Variants in PHKB observed in about 807,000 individuals in gnomAD.
The protein encoded by PHKB is phosphorylase b kinase regulatory subunit beta.
In PHKB, 122 loss-of-function variants were observed where a neutral mutation model predicts 152.1. The observed-to-expected ratio is 0.80, with a 90% CI of 0.69 to 0.93. PHKB has a LOEUF of 0.93. Ranked by LOEUF, PHKB falls within the 40% of genes least tolerant of loss-of-function variation. PHKB has a pLI of 0.00. For synonymous variants in PHKB, 436 were observed against 464.9 expected (o/e 0.94, Z 0.80); for missense variants, 1,304 against 1,328.4 (o/e 0.98, Z 0.29).
At chr16:47,666,695 T>A (rs950690683) in intron 25 of PHKB, among the ~76,000 whole-genome samples, 1 of 152,246 alleles carries the variant, frequency 6.6e-6, no homozygotes, top group Non-Finnish European at 1.5e-5. Flanking sequence ...AGAGTCTGGG[T>A]CTTGTCCAGT....
intron 14 of PHKB, among the ~76,000 whole-genome samples, chr16:47,629,989 A>G (rs1452019229): frequency 6.7e-6 from 1 of 150,292 alleles, no homozygotes; most frequent in Non-Finnish European, 1.5e-5. Flanking sequence ...ACACATGGAC[A>G]CAGGAAGGGG....
At chr16:47,682,551 G>A (rs888540974) in intron 26 of PHKB, among the ~76,000 whole-genome samples, 3 of 151,986 alleles carry the variant, frequency 2.0e-5, no homozygotes, top group Non-Finnish European at 2.9e-5. Context: ...CCAGTTGATC[G>A]CATCGGCTCC....
At chr16:47,507,876 C>T (rs987380128) in intron 4 of PHKB, among the ~76,000 whole-genome samples, 15 of 152,178 alleles carry the variant, frequency 9.9e-5, no homozygotes, top group Admixed American at 8.5e-4. Context: ...TTCTTTTCCT[C>T]CTGTCTTGGC....
intron 7 of PHKB, among the ~76,000 whole-genome samples, chr16:47,549,516 C>A (rs968826806): frequency 6.6e-6 from 1 of 151,986 alleles, no homozygotes; most frequent in African/African-American, 2.4e-5. Context: ...ATGGTGACAA[C>A]CTGTCTCTAC....
At position 47,581,103 on chromosome 16, in the gene PHKB, G is replaced by A. The variant is rs1273024026; in HGVS notation, c.774+745G>A. Among the ~76,000 whole-genome samples the A allele has an allele frequency of 2.6e-5, 4 of 152,238 alleles. No individual in the cohort carries two copies. In the East Asian group the frequency reaches 7.7e-4, roughly 29 times the overall value. On this transcript the variant is annotated intron_variant, in intron 8 of 30. Coordinates refer to ENST00000323584, the MANE Select transcript of PHKB (RefSeq NM_000293.3). ...TAACTGAGAATAAAATTAATCCTAA[G>A]CTACTGAAATGCTAAGTCAGTAAAG...
intron 26 of PHKB, among the ~76,000 whole-genome samples, chr16:47,677,444 C>T (rs1419443854): frequency 3.9e-5 from 6 of 152,208 alleles, no homozygotes; most frequent in Non-Finnish European, 8.8e-5. Context: ...TATTTTCTCA[C>T]AATCTGCAGG....
rs369824340 is a variant in PHKB at position 47,588,417 on chromosome 16, TATATA to T, written c.871-483_871-479del. On this transcript the variant is annotated intron_variant, in intron 9 of 30. Transcript: ENST00000323584. ...ATATGTTTTCACTTATTTTTAGACA[TATATA>T]ATATTTTTATTTTACAAAGCTATAA... 4.1e-3 allele frequency among the ~76,000 whole-genome samples: 631 copies of T among 152,134 alleles called. 6 individuals carry two copies. The highest frequency in any genetic ancestry group is 0.014 in the African/African-American group (601 of 41,530).
chr16:47,624,841 C>T (rs1384576354), intron 14 of PHKB, among the ~76,000 whole-genome samples: 1 of 152,194 alleles, frequency 6.6e-6, no homozygotes, highest in East Asian at 1.9e-4. Context: ...TGGCTTCTTA[C>T]ACTGTCACTC....
At chr16:47,545,919 G>A (rs780957459) in intron 6 of PHKB, among the ~76,000 whole-genome samples, 1 of 152,130 alleles carries the variant, frequency 6.6e-6, no homozygotes, top group Non-Finnish European at 1.5e-5. Context: ...CGTAGTTCTT[G>A]TGCCATGGTT....
At chr16:47,558,936 G>C (rs377155228) in intron 7 of PHKB, among the ~76,000 whole-genome samples, 82 of 152,250 alleles carry the variant, frequency 5.4e-4, no homozygotes, top group African/African-American at 1.8e-3. Context: ...ACAGAACCTT[G>C]GACTGGCTAC....
intron 25 of PHKB, among the ~76,000 whole-genome samples, chr16:47,668,082 A>G (rs559657616): frequency 6.6e-5 from 10 of 152,354 alleles, no homozygotes; most frequent in African/African-American, 2.2e-4. Flanking sequence ...TGGAGCATTC[A>G]GAATTTTTAC....
intron 13 of PHKB, among the ~76,000 whole-genome samples, chr16:47,610,226 G>A (rs1452355634): frequency 6.8e-6 from 1 of 146,478 alleles, no homozygotes; most frequent in Non-Finnish European, 1.5e-5. Flanking sequence ...GGCCAGGCTG[G>A]TCTCAAACTC....
chr16:47,536,732 C>A (rs1970958898), intron 6 of PHKB, among the ~76,000 whole-genome samples: 1 of 152,024 alleles, frequency 6.6e-6, no homozygotes, highest in African/African-American at 2.4e-5. Flanking sequence ...TAAGAAAAAA[C>A]AATTGGATTT....
chr16:47,497,423 G>A lies in PHKB; in HGVS notation c.101G>A (p.Ser34Asn), dbSNP rs749274158. Residue 34 changes from serine (S) to asparagine (N), a missense_variant, in exon 2 of 31, where the codon AGC becomes AAC. Ser to Asn is a conservative substitution (Grantham distance 46, BLOSUM62 1). Transcript: ENST00000323584. ...GGCTCAGTTTATGAACCTCTTAAAA[G>A]CATTAATCTTCCAAGACCTGATAAT... ...RSGSVYEPLKSINLPRPDNET... is the reference protein window; with the variant it reads ...RSGSVYEPLKNINLPRPDNET... 13 of 1,606,398 alleles carry A rather than the reference G, an allele frequency of 8.1e-6. No homozygotes were observed. In the South Asian group the frequency reaches 1.4e-4, roughly 18 times the overall value.
At chr16:47,616,808 C>G (rs1972527535) in intron 14 of PHKB, among the ~76,000 whole-genome samples, 1 of 151,728 alleles carries the variant, frequency 6.6e-6, no homozygotes. Flanking sequence ...TCACTGCCTT[C>G]AGAGCTGAGA....
intron 26 of PHKB, among the ~76,000 whole-genome samples, chr16:47,681,389 T>C (rs1230828747): frequency 1.3e-5 from 2 of 148,650 alleles, no homozygotes; most frequent in African/African-American, 4.9e-5. Flanking sequence ...CTCCCATTTT[T>C]ACTGTGTGGG....
At chr16:47,565,457 A>G in intron 7 of PHKB, 2 of 1,393,198 alleles carry the variant, frequency 1.4e-6, no homozygotes, top group Non-Finnish European at 2.0e-6. Context: ...TTAGAACTTC[A>G]CTTCACCCAA....
At chr16:47,533,672 C>G (rs945500861) in intron 6 of PHKB, among the ~76,000 whole-genome samples, 4 of 152,176 alleles carry the variant, frequency 2.6e-5, no homozygotes, top group Admixed American at 2.6e-4. Flanking sequence ...GTACTGACAG[C>G]AGGGAGAAGC....
At chr16:47,501,525 G>A (rs1970324437) in intron 3 of PHKB, among the ~76,000 whole-genome samples, 2 of 152,106 alleles carry the variant, frequency 1.3e-5, no homozygotes, top group African/African-American at 2.4e-5. Flanking sequence ...TGGTATTATG[G>A]TTATGTAGGC....
Sources: allele counts gnomAD v4.1 joint callset (sites outside exome capture counted in the v4.1 genomes callset), GRCh38; gene constraint gnomAD v4.1.1; transcripts MANE v1.5; gene names NCBI Gene and HGNC (gene_info 2026-07-23, HGNC 2026-07-21).